CERT1: variants seen among roughly 807,000 people sequenced by gnomAD.
CERT1 encodes the protein ceramide transfer protein.
A neutral mutation model predicts 87.9 loss-of-function variants in CERT1; 31 were observed. That is an observed-to-expected ratio of 0.35 (90% CI 0.27 to 0.48). The LOEUF (loss-of-function observed/expected upper bound fraction) is 0.48, where lower values mean the gene tolerates loss of function less well. CERT1 is among the 20% of genes least tolerant of loss of function. The pLI is 0.99. For synonymous variants in CERT1, 289 were observed against 250.9 expected (o/e 1.15, Z -1.44); for missense variants, 487 against 758.0 (o/e 0.64, Z 4.20).
downstream of CERT1, chr5:75,374,310 G>A: frequency 2.1e-6 from 1 of 483,214 alleles, no homozygotes; most frequent in South Asian, 4.7e-5. Context: ...GGAATGCATG[G>A]AATCTCTATT....
At chr5:75,488,487 T>A (rs923174048) in intron 2 of CERT1, among the ~76,000 whole-genome samples, 2 of 152,122 alleles carry the variant, frequency 1.3e-5, no homozygotes, top group African/African-American at 2.4e-5. Context: ...AACTAATAAA[T>A]TATTTGCAAA....
At chr5:75,375,582 AAAATAAATAAAT>A (rs35679444), downstream of CERT1, 11,955 of 133,784 alleles carry the variant, frequency 0.089, 602 homozygotes, top group Admixed American at 0.12. Flanking sequence ...ATGCTGTCTC[AAAATAAATAAAT>A]AAATAAATAA....
chr5:75,411,498 G>A (rs927516723), intron 7 of CERT1, among the ~76,000 whole-genome samples: 1 of 152,100 alleles, frequency 6.6e-6, no homozygotes, highest in Non-Finnish European at 1.5e-5. Flanking sequence ...ATTTTTAGTA[G>A]AGATGGGGTT....
rs1015092334 is a variant in CERT1, at chr5:75,437,691, G to A, written c.349-11213C>T. Among the ~76,000 whole-genome samples the A allele has an allele frequency of 4.0e-5, 6 of 150,932 alleles. No homozygotes were observed. In the South Asian group the frequency reaches 6.3e-4, roughly 16 times the overall value. On this transcript the variant is annotated intron_variant, in intron 3 of 16. Transcript: ENST00000643780. Reference sequence around the variant, plus strand: ...TGAGGCAGGAGACTCGCTTGAACCCGGGAGGCAGAGGTTGCAGTAAGCTGG... The same window carrying A: ...TGAGGCAGGAGACTCGCTTGAACCCAGGAGGCAGAGGTTGCAGTAAGCTGG...
At chr5:75,369,683 C>T (rs1304474477) in intron 17 of CERT1, 1 of 152,124 alleles carries the variant, frequency 6.6e-6, no homozygotes, top group Non-Finnish European at 1.5e-5. Context: ...GCGGAGATAC[C>T]CTCACACACC....
At chr5:75,502,860 C>T (rs542167650) in intron 2 of CERT1, among the ~76,000 whole-genome samples, 2 of 152,062 alleles carry the variant, frequency 1.3e-5, no homozygotes, top group East Asian at 1.9e-4. Flanking sequence ...ATCTACTATG[C>T]GGCAAATTTT....
At chr5:75,474,768 A>G (rs1765882167) in intron 2 of CERT1, among the ~76,000 whole-genome samples, 1 of 152,212 alleles carries the variant, frequency 6.6e-6, no homozygotes, top group African/African-American at 2.4e-5. Flanking sequence ...TAAAATATCT[A>G]AAACTATGAA....
chr5:75,427,456 G>A (rs763021000), intron 3 of CERT1, among the ~76,000 whole-genome samples: 2 of 152,018 alleles, frequency 1.3e-5, no homozygotes, highest in Non-Finnish European at 2.9e-5. Context: ...AAAATTAGCC[G>A]GGCATGGTGG....
intron 2 of CERT1, among the ~76,000 whole-genome samples, chr5:75,473,928 CATT>C (rs1310853716): frequency 6.6e-6 from 1 of 152,154 alleles, no homozygotes; most frequent in East Asian, 1.9e-4. Context: ...CAATCTTAAT[CATT>C]GTTATGAAGG....
intron 6 of CERT1, among the ~76,000 whole-genome samples, chr5:75,418,409 T>TA (rs1407358045): frequency 2.6e-5 from 4 of 152,106 alleles, no homozygotes; most frequent in Admixed American, 6.6e-5. Flanking sequence ...ATGTGGCTGG[T>TA]AAAAAACAGT....
intron 13 of CERT1, 79 bp downstream of exon 13, chr5:75,385,823 A>G: frequency 9.2e-7 from 1 of 1,085,836 alleles, no homozygotes; most frequent in Non-Finnish European, 1.2e-6. Context: ...TAAACTATGT[A>G]GGAGATGCAG....
chr5:75,457,964 T>TGTGTGTGTGTGTGTG (rs1765067576), intron 3 of CERT1, among the ~76,000 whole-genome samples: 1 of 140,522 alleles, frequency 7.1e-6, no homozygotes. Flanking sequence ...TAAAAATGTG[T>TGTGTGTGTGTGTGTG]GTGTGTGTGT....
At chr5:75,441,651 A>G (rs1764328846) in intron 3 of CERT1, among the ~76,000 whole-genome samples, 1 of 152,318 alleles carries the variant, frequency 6.6e-6, no homozygotes, top group African/African-American at 2.4e-5. Context: ...CTATGCACCC[A>G]ATATGAGTGG....
chr5:75,504,411 T>C (rs796883726), intron 2 of CERT1, among the ~76,000 whole-genome samples: 17 of 152,162 alleles, frequency 1.1e-4, no homozygotes, highest in African/African-American at 3.9e-4. Context: ...ATTTCTTCTG[T>C]GTTTCTCTAA....
At chr5:75,425,720 G>A (rs535720507) in intron 4 of CERT1, among the ~76,000 whole-genome samples, 20 of 152,280 alleles carry the variant, frequency 1.3e-4, no homozygotes, top group African/African-American at 3.4e-4. Context: ...TGATAACCTC[G>A]TGATATCACT....
chr5:75,478,978 G>A (rs574947221), intron 2 of CERT1, among the ~76,000 whole-genome samples: 6 of 133,692 alleles, frequency 4.5e-5, no homozygotes, highest in Non-Finnish European at 6.2e-5. Context: ...AAATCAGCTC[G>A]AAGGTGCTTC....
At chr5:75,405,876 G>T (rs1173683164) in intron 8 of CERT1, among the ~76,000 whole-genome samples, 28 of 141,212 alleles carry the variant, frequency 2.0e-4, no homozygotes, top group Admixed American at 5.1e-4. Flanking sequence ...AGTTACTGGG[G>T]GGGGGGGGGG....
chr5:75,430,306 C>T (rs1179097687), intron 3 of CERT1, among the ~76,000 whole-genome samples: 3 of 152,036 alleles, frequency 2.0e-5, no homozygotes, highest in African/African-American at 4.8e-5. Context: ...AATTTTAAGA[C>T]AAGGTGGAAT....
At chr5:75,444,548 C>CTTTTTT (rs952234196) in intron 3 of CERT1, among the ~76,000 whole-genome samples, 112 of 128,760 alleles carry the variant, frequency 8.7e-4, no homozygotes, top group African/African-American at 2.1e-3. Flanking sequence ...CTTTTCTTTT[C>CTTTTTT]TTTTTTTTTT....
Sources: allele counts gnomAD v4.1 joint callset (sites outside exome capture counted in the v4.1 genomes callset), GRCh38; gene constraint gnomAD v4.1.1; transcripts MANE v1.5; gene names NCBI Gene and HGNC (gene_info 2026-07-23, HGNC 2026-07-21).